STAU2: variants seen among roughly 807,000 people sequenced by gnomAD.
STAU2 encodes staufen double-stranded RNA binding protein 2.
STAU2 carries 20 observed loss-of-function variants against 65.9 expected under a neutral mutation model. The observed-to-expected ratio is 0.30, with a 90% CI of 0.21 to 0.44. The LOEUF is 0.44. STAU2 is among the 20% of genes least tolerant of loss of function. The pLI, the probability that STAU2 is intolerant of heterozygous loss-of-function variation, is 1.00. For missense variants in STAU2, 558 were observed against 683.9 expected, an observed-to-expected ratio of 0.82 and a Z score of 2.05; for synonymous variants, 232 against 233.9, an observed-to-expected ratio of 0.99 and a Z score of 0.07.
intron 12 of STAU2, among the ~76,000 whole-genome samples, chr8:73,559,277 C>T (rs574479885): frequency 2.6e-5 from 4 of 152,200 alleles, no homozygotes; most frequent in African/African-American, 7.2e-5. Flanking sequence ...TTGAAAGCAC[C>T]GTTTTATGCT....
intron 13 of STAU2, among the ~76,000 whole-genome samples, chr8:73,516,553 T>C (rs1585914351): frequency 6.6e-6 from 1 of 151,420 alleles, no homozygotes; most frequent in South Asian, 2.1e-4. Flanking sequence ...ACAAAGAGAG[T>C]AGGCCAAATA....
chr8:73,585,464 G>T (rs1375002162), intron 11 of STAU2, among the ~76,000 whole-genome samples: 1 of 152,198 alleles, frequency 6.6e-6, no homozygotes, highest in Non-Finnish European at 1.5e-5. Flanking sequence ...TGGACAACGA[G>T]AGTGAAACTC....
chr8:73,651,726 T>G lies in STAU2; in HGVS notation c.410+21381A>C, dbSNP rs1196194652. The G allele has an allele frequency of 9.0e-6, 4 of 446,792 alleles. No homozygotes were observed. The East Asian group carries it at 2.0e-4, about 22-fold the overall frequency. The allele number at this position is 446,792 out of a possible 1,614,324, so 27.7% of individuals were successfully genotyped here. ...AGCCCAGGAAGTGGCATGCATACGC[T>G]GGGACCAGCCCTGTCCACGGGGCCC... On this transcript the variant is annotated intron_variant, in intron 6 of 14. Coordinates refer to ENST00000524300, the MANE Select transcript of STAU2 (RefSeq NM_001164380.2).
chr8:73,695,753 T>G (rs1819654200), intron 4 of STAU2, among the ~76,000 whole-genome samples: 2 of 151,974 alleles, frequency 1.3e-5, no homozygotes, highest in Non-Finnish European at 2.9e-5. Context: ...AGTGGTGGTG[T>G]TGGTGGCCAC....
intron 13 of STAU2, among the ~76,000 whole-genome samples, chr8:73,479,472 G>GCACAAA (rs1820494105): frequency 1.4e-5 from 2 of 139,842 alleles, no homozygotes; most frequent in African/African-American, 2.7e-5. Flanking sequence ...TCCCTATTCT[G>GCACAAA]CACACACACA....
intron 13 of STAU2, among the ~76,000 whole-genome samples, chr8:73,445,960 G>T (rs1818444824): frequency 6.6e-6 from 1 of 152,118 alleles, no homozygotes; most frequent in African/African-American, 2.4e-5. Flanking sequence ...ATACAACCTA[G>T]CTATCATACT....
At chr8:73,598,115 A>C (rs1348582935) in intron 10 of STAU2, among the ~76,000 whole-genome samples, 1 of 152,240 alleles carries the variant, frequency 6.6e-6, no homozygotes, top group African/African-American at 2.4e-5. Flanking sequence ...GATTCATGAC[A>C]AAGTTAGGTT....
intron 13 of STAU2, among the ~76,000 whole-genome samples, chr8:73,536,903 T>G (rs1183163306): frequency 6.6e-6 from 1 of 152,128 alleles, no homozygotes; most frequent in Admixed American, 6.5e-5. Context: ...AAAATCACCC[T>G]TATACCAAGA....
At chr8:73,589,129 T>A (rs1349099328) in intron 11 of STAU2, among the ~76,000 whole-genome samples, 2 of 152,070 alleles carry the variant, frequency 1.3e-5, no homozygotes, top group Non-Finnish European at 2.9e-5. Context: ...TAACAGCATA[T>A]CACTATTGAA....
intron 5 of STAU2, among the ~76,000 whole-genome samples, chr8:73,673,505 C>T (rs954803992): frequency 9.2e-5 from 14 of 152,008 alleles, no homozygotes; most frequent in African/African-American, 3.4e-4. Context: ...ACATAGTAAA[C>T]AGATGATTCT....
intron 13 of STAU2, among the ~76,000 whole-genome samples, chr8:73,427,940 CATAATG>C (rs1446086070): frequency 1.3e-5 from 2 of 152,166 alleles, no homozygotes; most frequent in Non-Finnish European, 2.9e-5. Context: ...TTTTTTGTAA[CATAATG>C]ATAAATTATT....
At chr8:73,530,219 T>G (rs1244195093) in intron 13 of STAU2, among the ~76,000 whole-genome samples, 1 of 152,194 alleles carries the variant, frequency 6.6e-6, no homozygotes, top group Non-Finnish European at 1.5e-5. Flanking sequence ...TCTATATTGT[T>G]TAAGCCACTG....
chr8:73,655,743 G>T (rs1219271850), intron 6 of STAU2, among the ~76,000 whole-genome samples: 2 of 148,750 alleles, frequency 1.3e-5, no homozygotes, highest in African/African-American at 2.5e-5. Context: ...CCACCTCCTG[G>T]GTTCACGCCA....
intron 13 of STAU2, among the ~76,000 whole-genome samples, chr8:73,538,015 C>T (rs1806295682): frequency 6.6e-6 from 1 of 152,134 alleles, no homozygotes; most frequent in South Asian, 2.1e-4. Flanking sequence ...AATTCAAGAA[C>T]ATTTTACAAA....
In STAU2 at chr8:73,709,177, G is replaced by A. The variant is rs1438500807; in HGVS notation, c.-17-15C>T. 1.3e-6 allele frequency: 2 copies of A among 1,483,392 alleles called. No individual in the cohort carries two copies. Among genetic ancestry groups the A allele is most frequent in the African/African-American group, 1.4e-5 (1 of 70,854 alleles). 91.9% of individuals were successfully genotyped at this position (1,483,392 alleles called of 1,614,324 possible). A position where few individuals can be genotyped will look rare whatever the true frequency, so the allele number is the denominator to read the frequency against. Reference sequence around the variant, plus strand: ...TTGGAGAGAAGCTGTAAATAAAAAGGCTATAAAGTTTTTGTGAAGAATGAC... The same window carrying A: ...TTGGAGAGAAGCTGTAAATAAAAAGACTATAAAGTTTTTGTGAAGAATGAC... On this transcript the variant is annotated splice_polypyrimidine_tract_variant and intron_variant, in intron 3 of 14. Coordinates refer to ENST00000524300, the MANE Select transcript of STAU2 (RefSeq NM_001164380.2).
chr8:73,452,799 G>A (rs1324236127), intron 13 of STAU2, among the ~76,000 whole-genome samples: 1 of 152,138 alleles, frequency 6.6e-6, no homozygotes, highest in Non-Finnish European at 1.5e-5. Context: ...AGACAACCTC[G>A]ACTCTAAAGA....
chr8:73,686,915 CAG>C (rs1483570152), intron 5 of STAU2, among the ~76,000 whole-genome samples: 4 of 145,958 alleles, frequency 2.7e-5, no homozygotes, highest in Non-Finnish European at 1.5e-5. Context: ...TCTTTTGAGA[CAG>C]AGTCTTGCTC....
At chr8:73,641,271 A>C (rs1814945679) in intron 6 of STAU2, among the ~76,000 whole-genome samples, 1 of 152,006 alleles carries the variant, frequency 6.6e-6, no homozygotes, top group African/African-American at 2.4e-5. Context: ...AGGTGGGAGG[A>C]TGGCTTGACC....
chr8:73,616,723 G>A (rs113097391), intron 7 of STAU2, among the ~76,000 whole-genome samples: 2,093 of 152,104 alleles, frequency 0.014, 44 homozygotes, highest in African/African-American at 0.046. Context: ...GCTTGAACCC[G>A]GGAGGCAGAG....
Sources: allele counts gnomAD v4.1 joint callset (sites outside exome capture counted in the v4.1 genomes callset), GRCh38; gene constraint gnomAD v4.1.1; transcripts MANE v1.5; gene names NCBI Gene and HGNC (gene_info 2026-07-23, HGNC 2026-07-21).